ADCYAP1R1: variants seen among roughly 807,000 people sequenced by gnomAD.
The protein encoded by ADCYAP1R1 is ADCYAP receptor type I.
A neutral mutation model predicts 67.6 loss-of-function variants in ADCYAP1R1; 44 were observed. The ratio of observed to expected loss-of-function variants is 0.65; its 90% CI spans 0.51 to 0.84. The LOEUF is 0.84. Ranked by LOEUF, ADCYAP1R1 falls within the 40% of genes least tolerant of loss-of-function variation. The pLI is 0.00. For synonymous variants in ADCYAP1R1, 222 were observed against 219.6 expected (o/e 1.01, Z -0.10); for missense variants, 477 against 587.9 (o/e 0.81, Z 1.95).
intron 4 of ADCYAP1R1, 59 bp downstream of exon 4, chr7:31,078,157 C>A: frequency 7.0e-7 from 1 of 1,425,380 alleles, no homozygotes; most frequent in Non-Finnish European, 9.6e-7. Context: ...CAAATTCGGC[C>A]CCAGGCAAGC....
At chr7:31,053,821 T>C (rs1349226582) in intron 1 of ADCYAP1R1, among the ~76,000 whole-genome samples, 2 of 152,126 alleles carry the variant, frequency 1.3e-5, no homozygotes, top group East Asian at 1.9e-4. Context: ...GGACGCAGCA[T>C]GTGGAGGGCA....
At chr7:31,083,880 T>C (rs1795620174) in intron 6 of ADCYAP1R1, among the ~76,000 whole-genome samples, 1 of 152,188 alleles carries the variant, frequency 6.6e-6, no homozygotes, top group Non-Finnish European at 1.5e-5. Context: ...CTGATGAGCA[T>C]TTGGAAATGT....
At chr7:31,063,016 A>G (rs1049517837) in intron 1 of ADCYAP1R1, among the ~76,000 whole-genome samples, 178 bp from the exon 2 acceptor site, 1 of 152,220 alleles carries the variant, frequency 6.6e-6, no homozygotes, top group African/African-American at 2.4e-5. Context: ...CTGAGTGCCT[A>G]GCACATGTTT....
In ADCYAP1R1 at chr7:31,064,939, G is replaced by A. The variant is rs1303226274; in HGVS notation, c.157+3G>A. On this transcript the variant is annotated splice_donor_region_variant and intron_variant, in intron 3 of 15. Transcript: ENST00000304166. ...GGGCTTCAATGATTCCTCTCCAGGT[G>A]AGCGGGGCGGCAGGGAGCATGCCAC... The A allele has an allele frequency of 1.6e-5, 26 of 1,601,336 alleles. No individual in the cohort carries two copies. In the Admixed American group the frequency reaches 2.4e-4, roughly 15 times the overall value.
At chr7:31,055,757 A>C (rs552629741) in intron 1 of ADCYAP1R1, among the ~76,000 whole-genome samples, 131 of 152,290 alleles carry the variant, frequency 8.6e-4, no homozygotes, top group Non-Finnish European at 5.9e-5. Flanking sequence ...TGACAAAGGG[A>C]GGGGCTTAGC....
chr7:31,067,612 G>A (rs987607540), intron 3 of ADCYAP1R1, among the ~76,000 whole-genome samples: 4 of 152,192 alleles, frequency 2.6e-5, no homozygotes, highest in African/African-American at 9.7e-5. Context: ...TCCATTAAGA[G>A]GCAGAGGCAG....
At chr7:31,103,586 C>A (rs1027897338) in intron 14 of ADCYAP1R1, among the ~76,000 whole-genome samples, 3 of 152,194 alleles carry the variant, frequency 2.0e-5, no homozygotes, top group African/African-American at 4.8e-5. Context: ...CAGCTGCCCC[C>A]ACTCCTGGCC....
intron 3 of ADCYAP1R1, among the ~76,000 whole-genome samples, chr7:31,071,956 GATCCATCCATCC>G (rs560523944): frequency 2.8e-5 from 4 of 142,600 alleles, no homozygotes; most frequent in Non-Finnish European, 6.1e-5. Flanking sequence ...TGTGGTAAAT[GATCCATCCATCC>G]ATCCATCCAT....
intron 13 of ADCYAP1R1, among the ~76,000 whole-genome samples, chr7:31,093,793 C>T (rs1407552061): frequency 2.0e-5 from 3 of 152,074 alleles, no homozygotes; most frequent in African/African-American, 7.2e-5. Context: ...CCAGTAGATG[C>T]TGGGGTCACA....
At position 31,086,817 on chromosome 7, in the gene ADCYAP1R1, G is replaced by T. The variant is rs1049099370; in HGVS notation, c.824-126G>T. Reference sequence around the variant, plus strand: ...TCAGGAGGCCTGGGTGTGAGGGACAGTTAGAATTCCCAGGAATTCCAAGTC... The same window carrying T: ...TCAGGAGGCCTGGGTGTGAGGGACATTTAGAATTCCCAGGAATTCCAAGTC... On this transcript the variant is annotated intron_variant, in intron 10 of 15. Transcript: ENST00000304166. The surrounding 1 kb of genome is among the most constrained non-coding windows in gnomAD (Gnocchi z 5.0). The T allele has an allele frequency of 4.6e-6, 5 of 1,096,904 alleles. No individual in the cohort carries two copies. The Admixed American group carries it at 5.3e-5, about 12-fold the overall frequency. 67.9% of individuals were successfully genotyped at this position (1,096,904 alleles called of 1,614,324 possible).
At chr7:31,100,435 G>A (rs191716728) in intron 13 of ADCYAP1R1, among the ~76,000 whole-genome samples, 5 of 152,162 alleles carry the variant, frequency 3.3e-5, no homozygotes, top group African/African-American at 1.2e-4. Flanking sequence ...GGCCATTGTG[G>A]GTGCTTCCTG....
chr7:31,081,283 G>A lies in ADCYAP1R1; in HGVS notation c.287-430G>A, dbSNP rs185521062. Among the ~76,000 whole-genome samples the A allele has an allele frequency of 7.2e-5, 11 of 152,296 alleles. No individual in the cohort carries two copies. The East Asian group carries it at 2.1e-3, about 29-fold the overall frequency. On this transcript the variant is annotated intron_variant, in intron 5 of 15. Coordinates refer to ENST00000304166, the MANE Select transcript of ADCYAP1R1 (RefSeq NM_001118.5). ...TCTTCTGGATTCCCTTTGACGGAGA[G>A]CAGTTTTGGAGGCTGAGGTGGAGGG...
chr7:31,063,194 C>T lies in ADCYAP1R1; in HGVS notation c.-71C>T. ...ATTCACACCTTTCCTTCCTCTCTAGCCCAGAGACACATTGGGGCTGACCTG... is the reference window on the plus strand; with the variant it reads ...ATTCACACCTTTCCTTCCTCTCTAGTCCAGAGACACATTGGGGCTGACCTG... On this transcript the variant is annotated splice_region_variant and 5_prime_UTR_variant, in exon 2 of 16. Transcript: ENST00000304166. The T allele has an allele frequency of 6.3e-7, 1 of 1,589,040 alleles. No individual in the cohort carries two copies. The highest frequency in any genetic ancestry group is 8.6e-7 in the Non-Finnish European group (1 of 1,157,506).
intron 13 of ADCYAP1R1, among the ~76,000 whole-genome samples, chr7:31,100,738 G>A (rs1796402580): frequency 6.6e-6 from 1 of 152,152 alleles, no homozygotes; most frequent in Admixed American, 6.5e-5. Flanking sequence ...GAGAGATGAA[G>A]TCACTCACTC....
Position 31,087,681 on chromosome 7 carries a change from G to C in ADCYAP1R1, c.939G>C (p.Val313=). 6.2e-7 allele frequency: 1 copy of C among 1,613,966 alleles called. No homozygotes were observed. The highest frequency in any genetic ancestry group is 1.3e-5 in the African/African-American group (1 of 75,042). ...TGTGGTGGGTGATCAAAGGCCCTGT[G>C]GTTGGCTCTATCATGGTGAGTGTCC... is the stretch of plus-strand genomic sequence containing the variant. ...TALWWVIKGP[V]VGSIMVNFVL... Residue 313 remains valine, a synonymous_variant, in exon 12 of 16, where the codon GTG becomes GTC. Transcript: ENST00000304166.
chr7:31,058,752 G>A (rs1794367189), intron 1 of ADCYAP1R1, among the ~76,000 whole-genome samples: 2 of 152,184 alleles, frequency 1.3e-5, no homozygotes, highest in Admixed American at 6.5e-5. Flanking sequence ...CCCTACTAGG[G>A]TACCAGTGGA....
chr7:31,093,421 C>G (rs1251023265), intron 13 of ADCYAP1R1, among the ~76,000 whole-genome samples: 1 of 152,218 alleles, frequency 6.6e-6, no homozygotes, highest in Non-Finnish European at 1.5e-5. Flanking sequence ...AGTCATGTCC[C>G]TAACAGCCTA....
At chr7:31,104,045 A>G (rs1796543679) in intron 14 of ADCYAP1R1, among the ~76,000 whole-genome samples, 1 of 152,264 alleles carries the variant, frequency 6.6e-6, no homozygotes, top group African/African-American at 2.4e-5. Flanking sequence ...GTTACTCTCC[A>G]TATCTGACTT....
chr7:31,095,849 G>A, intron 13 of ADCYAP1R1: 1 of 665,500 alleles, frequency 1.5e-6, no homozygotes, highest in South Asian at 1.7e-5. Flanking sequence ...GGGGTCTGGG[G>A]CCTCTGCGGG....
Sources: gnomAD v4.1 joint callset for allele counts (sites outside exome capture counted in the v4.1 genomes callset) on GRCh38, gnomAD v4.1.1 for gene constraint, Gnocchi (gnomAD v3.1) non-coding constraint, MANE v1.5 for transcripts, NCBI Gene and HGNC (gene_info 2026-07-23, HGNC 2026-07-21) for gene names.